FILIP1: variants seen among roughly 807,000 people sequenced by gnomAD.
FILIP1 encodes filamin A interacting protein 1, also known as filamin-A-interacting protein 1.
Under a neutral mutation model 102.1 loss-of-function variants are expected in FILIP1, and 61 were observed. That is an observed-to-expected ratio of 0.60 (90% CI 0.49 to 0.74). The LOEUF is 0.74. Ranked by LOEUF, FILIP1 falls within the 30% of genes least tolerant of loss-of-function variation. The pLI, the probability that FILIP1 is intolerant of heterozygous loss-of-function variation, is 0.00. For synonymous variants in FILIP1, 491 were observed against 526.9 expected, an observed-to-expected ratio of 0.93 and a Z score of 0.93; for missense variants, 1,314 against 1,441.2, an observed-to-expected ratio of 0.91 and a Z score of 1.43.
chr6:75,377,634 C>T (rs1473081974), intron 2 of FILIP1, among the ~76,000 whole-genome samples: 1 of 152,206 alleles, frequency 6.6e-6, no homozygotes, highest in Non-Finnish European at 1.5e-5. Context: ...CTCTTGTTCT[C>T]TTTTGTGTCC....
At chr6:75,484,942 G>A (rs567388664) in intron 1 of FILIP1, among the ~76,000 whole-genome samples, 42 of 152,176 alleles carry the variant, frequency 2.8e-4, no homozygotes, top group Non-Finnish European at 4.9e-4. Flanking sequence ...GGAAATTATC[G>A]CTGTTGTGTA....
intron 2 of FILIP1, among the ~76,000 whole-genome samples, chr6:75,379,940 G>T (rs1775856003): frequency 6.6e-6 from 1 of 152,074 alleles, no homozygotes; most frequent in Non-Finnish European, 1.5e-5. Flanking sequence ...TTTGTTTCTT[G>T]TCTGTCTCCT....
intron 1 of FILIP1, among the ~76,000 whole-genome samples, chr6:75,479,565 T>G (rs1345635674): frequency 6.6e-6 from 1 of 152,206 alleles, no homozygotes; most frequent in Admixed American, 6.5e-5. Flanking sequence ...TCTCTTTTTC[T>G]ATTTTCATTT....
intron 2 of FILIP1, among the ~76,000 whole-genome samples, chr6:75,375,314 T>A (rs926167170): frequency 6.6e-6 from 1 of 152,206 alleles, no homozygotes; most frequent in Non-Finnish European, 1.5e-5. Flanking sequence ...GCTCTCAGTA[T>A]AGACATCAGC....
At chr6:75,328,654 A>G (rs1195630784) in intron 4 of FILIP1, among the ~76,000 whole-genome samples, 3 of 152,040 alleles carry the variant, frequency 2.0e-5, no homozygotes, top group Non-Finnish European at 2.9e-5. Context: ...ACGCCTGGCT[A>G]ATTTTTGTAT....
In FILIP1 at chr6:75,396,559, T is replaced by C. The variant is rs376938892; in HGVS notation, c.276+18138A>G. 2.3e-4 allele frequency among the ~76,000 whole-genome samples: 35 copies of C among 152,176 alleles called. No individual in the cohort carries two copies. The Middle Eastern group carries it at 0.01, about 44-fold the overall frequency. ...GTTAGTTGAATCCACTATCTCGTGA[T>C]GGTAGATAATAAATAAGAATGGCGA... On this transcript the variant is annotated intron_variant, in intron 2 of 5. Coordinates refer to ENST00000237172, the MANE Select transcript of FILIP1 (RefSeq NM_015687.5).
chr6:75,349,726 C>T (rs1042732320), intron 4 of FILIP1, among the ~76,000 whole-genome samples: 1 of 152,170 alleles, frequency 6.6e-6, no homozygotes, highest in Non-Finnish European at 1.5e-5. Context: ...GGCCGCGTTG[C>T]GCCTCGGCGG....
intron 1 of FILIP1, among the ~76,000 whole-genome samples, chr6:75,463,601 A>C (rs1779085955): frequency 6.6e-6 from 1 of 152,200 alleles, no homozygotes; most frequent in Admixed American, 6.5e-5. Flanking sequence ...TCATAAAATA[A>C]GGGTTCTTTG....
chr6:75,474,582 A>C (rs112821491), intron 1 of FILIP1, among the ~76,000 whole-genome samples: 1 of 152,298 alleles, frequency 6.6e-6, no homozygotes, highest in African/African-American at 2.4e-5. Context: ...TTCTTCCAGC[A>C]GTGCTTGCTT....
chr6:75,479,980 G>A (rs1465051470), intron 1 of FILIP1, among the ~76,000 whole-genome samples: 2 of 151,446 alleles, frequency 1.3e-5, no homozygotes, highest in South Asian at 4.2e-4. Context: ...TGGTTATAAG[G>A]GGTTTTTCTT....
chr6:75,417,103 T>C (rs1777295628), intron 1 of FILIP1, among the ~76,000 whole-genome samples: 1 of 152,152 alleles, frequency 6.6e-6, no homozygotes, highest in African/African-American at 2.4e-5. Context: ...TTTATATCAT[T>C]ATTCAGGTTG....
At chr6:75,479,101 C>G (rs1161387191) in intron 1 of FILIP1, among the ~76,000 whole-genome samples, 2 of 152,020 alleles carry the variant, frequency 1.3e-5, no homozygotes, top group African/African-American at 4.8e-5. Context: ...TAACAAGGTC[C>G]CTCCTAGGAA....
chr6:75,326,898 C>A (rs1773883332), intron 4 of FILIP1, among the ~76,000 whole-genome samples: 1 of 152,158 alleles, frequency 6.6e-6, no homozygotes, highest in Non-Finnish European at 1.5e-5. Flanking sequence ...TATTTTGTCA[C>A]CCAGAATAAC....
chr6:75,423,635 G>A (rs1329689733), intron 1 of FILIP1, among the ~76,000 whole-genome samples: 1 of 152,146 alleles, frequency 6.6e-6, no homozygotes, highest in African/African-American at 2.4e-5. Flanking sequence ...TCAAGAGAAA[G>A]GGCCCAGTTA....
At chr6:75,453,139 G>A (rs1778693561) in intron 1 of FILIP1, among the ~76,000 whole-genome samples, 1 of 152,212 alleles carries the variant, frequency 6.6e-6, no homozygotes, top group South Asian at 2.1e-4. Context: ...ACCCCATACA[G>A]AGTTGTAAGG....
Position 75,314,676 on chromosome 6 carries a change from G to C in FILIP1, c.1156C>G (p.Arg386Gly), listed in dbSNP as rs141766419. ...TCTTTACCTTCCATTTCAAGCACAC[G>C]CTTTCGAAGATTTTCCACTTCTGCC... ...LMAEVENLRK[R>G]VLEMEGKDEE... is the part of the protein sequence containing the mutation. Residue 386 changes from arginine to glycine, a missense_variant, in exon 5 of 6, where the codon CGT becomes GGT. Transcript: ENST00000237172. 2 of 1,613,668 alleles carry C rather than the reference G, an allele frequency of 1.2e-6. No individual in the cohort carries two copies. Among genetic ancestry groups the C allele is most frequent in the South Asian group, 1.1e-5 (1 of 90,930 alleles).
rs371768415 is a variant in FILIP1, at chr6:75,313,787, T to C, written c.2045A>G (p.Glu682Gly). The change falls in exon 5 of 6, where the codon GAG (glutamate) becomes GGG (glycine). Residue 682 changes from glutamate (E) to glycine (G), a missense_variant. Glu to Gly is a moderately conservative substitution (Grantham distance 98, BLOSUM62 -2). Around this residue, in one of 3 missense-constraint regions of FILIP1, gnomAD observed 816 missense variants for 913.1 expected, o/e 0.89. Transcript: ENST00000237172. The surrounding 1 kb of genome is among the most constrained non-coding windows in gnomAD (Gnocchi z 4.2). ...DKANFLSQQL[E>G]EIKHQIAKNK... is the part of the protein sequence containing the mutation. ...CTTGGCAATTTGGTGCTTGATCTCC[T>C]CTAGTTGTTGAGAGAGGAAGTTAGC... 11 of 1,607,678 alleles carry C rather than the reference T, an allele frequency of 6.8e-6. No homozygotes were observed.
At chr6:75,373,402 T>C (rs1392847195) in intron 2 of FILIP1, among the ~76,000 whole-genome samples, 1 of 152,248 alleles carries the variant, frequency 6.6e-6, no homozygotes, top group East Asian at 1.9e-4. Context: ...GCCACTGAAC[T>C]GTACACTTAA....
At chr6:75,325,361 G>A (rs539151122) in intron 4 of FILIP1, among the ~76,000 whole-genome samples, 1 of 152,318 alleles carries the variant, frequency 6.6e-6, no homozygotes, top group South Asian at 2.1e-4. Context: ...GGTGGAGGCT[G>A]CAGTAAGCCG....
Sources: allele counts gnomAD v4.1 joint callset (sites outside exome capture counted in the v4.1 genomes callset), GRCh38; gene constraint gnomAD v4.1.1; regional missense constraint gnomAD v4.1.1; non-coding constraint Gnocchi (gnomAD v3.1); transcripts MANE v1.5; gene names NCBI Gene and HGNC (gene_info 2026-07-23, HGNC 2026-07-21).